Variants in DTNB observed in about 807,000 individuals in gnomAD.
DTNB encodes the protein DTN-B.
A neutral mutation model predicts 90.7 loss-of-function variants in DTNB; 63 were observed. The observed-to-expected ratio is 0.69, with a 90% CI of 0.57 to 0.86. The LOEUF (loss-of-function observed/expected upper bound fraction) is 0.86, where lower values mean the gene tolerates loss of function less well. Among genes scored for constraint, DTNB ranks in the 40% least tolerant of loss-of-function variants. The pLI, the probability that DTNB is intolerant of heterozygous loss-of-function variation, is 0.00. For synonymous variants in DTNB, 277 were observed against 286.7 expected (o/e 0.97, Z 0.34); for missense variants, 744 against 807.1 (o/e 0.92, Z 0.95).
chr2:25,384,783 C>G (rs1248929694), intron 18 of DTNB, among the ~76,000 whole-genome samples: 2 of 152,116 alleles, frequency 1.3e-5, no homozygotes, highest in African/African-American at 4.8e-5. Flanking sequence ...TAGAGTTGAT[C>G]ATGAATGAGC....
intron 8 of DTNB, among the ~76,000 whole-genome samples, chr2:25,567,732 G>A (rs1316997198): frequency 6.6e-6 from 1 of 152,168 alleles, no homozygotes; most frequent in East Asian, 1.9e-4. Flanking sequence ...CATACAGAGT[G>A]AGAGACTTCC....
intron 8 of DTNB, among the ~76,000 whole-genome samples, chr2:25,556,245 C>G (rs978945093): frequency 7.3e-6 from 1 of 137,358 alleles, no homozygotes; most frequent in Non-Finnish European, 1.5e-5. Context: ...TACAAAAATC[C>G]TAGTATACTT....
chr2:25,671,046 C>A (rs2085743683), intron 1 of DTNB, among the ~76,000 whole-genome samples: 2 of 152,138 alleles, frequency 1.3e-5, no homozygotes, highest in African/African-American at 4.8e-5. Context: ...CACTGTTTTA[C>A]TTAATAATAA....
rs532296426 is a variant in DTNB, at chr2:25,628,011, C to T, written c.362+160G>A. 3.9e-5 allele frequency among the ~76,000 whole-genome samples: 6 copies of T among 152,304 alleles called. No homozygotes were observed. The East Asian group carries it at 9.6e-4, about 24-fold the overall frequency. On this transcript the variant is annotated intron_variant, in intron 4 of 20. Coordinates refer to ENST00000406818, the MANE Select transcript of DTNB (RefSeq NM_021907.5). ...TTGGCCTCCCAAAGTGCTGGGACTA[C>T]AGCTGTGAGCTACCGTGCCCAGCCA...
At chr2:25,596,040 G>A (rs1275152587) in intron 6 of DTNB, 46 bp downstream of exon 6, 9 of 1,487,600 alleles carry the variant, frequency 6.1e-6, no homozygotes, top group Non-Finnish European at 7.1e-6. Flanking sequence ...GGTGAAGGGA[G>A]GGAAGAGCGC....
intron 8 of DTNB, among the ~76,000 whole-genome samples, chr2:25,571,978 T>C (rs1182596716): frequency 6.6e-6 from 1 of 152,104 alleles, no homozygotes; most frequent in African/African-American, 2.4e-5. Context: ...GAAACTTCAA[T>C]CTTCAGGTAC....
At chr2:25,529,998 A>C (rs974444243) in intron 9 of DTNB, among the ~76,000 whole-genome samples, 1 of 152,226 alleles carries the variant, frequency 6.6e-6, no homozygotes, top group Non-Finnish European at 1.5e-5. Flanking sequence ...AGAAGTTATT[A>C]AGAAATAGAG....
At chr2:25,466,861 G>A (rs932662944) in intron 10 of DTNB, among the ~76,000 whole-genome samples, 6 of 152,196 alleles carry the variant, frequency 3.9e-5, no homozygotes, top group East Asian at 1.9e-4. Flanking sequence ...CTCAAACAAT[G>A]AGAGTAATTC....
At chr2:25,511,480 T>C (rs1282766162) in intron 9 of DTNB, among the ~76,000 whole-genome samples, 1 of 152,048 alleles carries the variant, frequency 6.6e-6, no homozygotes, top group Non-Finnish European at 1.5e-5. Flanking sequence ...TACAGGCGCC[T>C]ACCACCATGC....
intron 8 of DTNB, among the ~76,000 whole-genome samples, chr2:25,533,293 C>A (rs2078624552): frequency 6.6e-6 from 1 of 152,094 alleles, no homozygotes; most frequent in African/African-American, 2.4e-5. Context: ...GCCAACTACA[C>A]CCCACCCTGG....
rs773380404 is a variant in DTNB at position 25,432,993 on chromosome 2, G to A, written c.1350C>T (p.Ile450=). The change falls in exon 14 of 21, where the codon ATC becomes ATT. Residue 450 remains isoleucine, a synonymous_variant. Transcript: ENST00000406818. ...GGCGGAGACGCTGAATCTCCTGCAGGATCTCTCTAGAGAGGATGGGTGAAC... is the reference window on the plus strand; with the variant it reads ...GGCGGAGACGCTGAATCTCCTGCAGAATCTCTCTAGAGAGGATGGGTGAAC... ...IAELENKNRE[I]LQEIQRLRLE... 1.5e-5 allele frequency: 24 copies of A among 1,603,928 alleles called. No individual in the cohort carries two copies. The highest frequency in any genetic ancestry group is 3.4e-5 in the Admixed American group (2 of 58,846).
At chr2:25,518,631 T>G (rs2075596073) in intron 9 of DTNB, among the ~76,000 whole-genome samples, 1 of 151,990 alleles carries the variant, frequency 6.6e-6, no homozygotes, top group African/African-American at 2.4e-5. Flanking sequence ...ACATACATAC[T>G]GAGGTTCAGG....
chr2:25,378,329 G>A (rs982666244), intron 20 of DTNB, among the ~76,000 whole-genome samples: 3 of 152,210 alleles, frequency 2.0e-5, no homozygotes, highest in African/African-American at 7.2e-5. Flanking sequence ...GAGAATGTGC[G>A]TGGCCCAGGT....
At chr2:25,489,155 G>A (rs1373549235) in intron 9 of DTNB, among the ~76,000 whole-genome samples, 1 of 152,072 alleles carries the variant, frequency 6.6e-6, no homozygotes, top group Non-Finnish European at 1.5e-5. Context: ...AGTTCATTCT[G>A]GTGATGCTCT....
intron 9 of DTNB, among the ~76,000 whole-genome samples, chr2:25,526,208 T>C (rs1050386618): frequency 1.3e-5 from 2 of 151,656 alleles, no homozygotes; most frequent in Admixed American, 1.3e-4. Context: ...TAGATATTAA[T>C]ACATAGAAAC....
intron 9 of DTNB, among the ~76,000 whole-genome samples, chr2:25,517,570 A>G (rs142170211): frequency 0.011 from 1,709 of 152,348 alleles, 24 homozygotes; most frequent in African/African-American, 0.037. Context: ...ACTCTTTTGC[A>G]GTACTAGTGA....
intron 18 of DTNB, chr2:25,386,168 G>C (rs767981022): frequency 1.2e-4 from 112 of 948,798 alleles, no homozygotes; most frequent in Non-Finnish European, 1.4e-4. Context: ...GACCTTAACT[G>C]ACTGGAAAGA....
chr2:25,423,959 C>A (rs577484956), intron 15 of DTNB, among the ~76,000 whole-genome samples: 15 of 152,208 alleles, frequency 9.9e-5, no homozygotes, highest in East Asian at 3.9e-4. Context: ...TGTACCTGGC[C>A]TAAAATTAGG....
At chr2:25,644,226 G>A (rs1028699018) in intron 2 of DTNB, among the ~76,000 whole-genome samples, 6 of 152,102 alleles carry the variant, frequency 3.9e-5, no homozygotes, top group Admixed American at 6.5e-5. Flanking sequence ...CTTTACGGAC[G>A]CACTGAGAAT....
Sources: gnomAD v4.1 joint callset for allele counts (sites outside exome capture counted in the v4.1 genomes callset) on GRCh38, gnomAD v4.1.1 for gene constraint, MANE v1.5 for transcripts, NCBI Gene and HGNC (gene_info 2026-07-23, HGNC 2026-07-21) for gene names.